The following MDGA2 variants were observed in gnomAD, a reference collection of about 807,000 sequenced individuals.
MDGA2 encodes MAM domain containing glycosylphosphatidylinositol anchor 2, also known as MAM domain-containing glycosylphosphatidylinositol anchor protein 2.
In MDGA2, 40 loss-of-function variants were observed where a neutral mutation model predicts 117.8. The observed-to-expected ratio is 0.34, with a 90% confidence interval of 0.26 to 0.44. The LOEUF is 0.44. MDGA2 is among the 20% of genes least tolerant of loss of function. The pLI is 1.00. For synonymous variants in MDGA2, 452 were observed against 439.0 expected (o/e 1.03, Z -0.37); for missense variants, 1,123 against 1,250.6 (o/e 0.90, Z 1.54).
intron 3 of MDGA2, among the ~76,000 whole-genome samples, chr14:47,202,520 ATAACC>A (rs1566678703): frequency 6.6e-6 from 1 of 152,170 alleles, no homozygotes; most frequent in Non-Finnish European, 1.5e-5. Flanking sequence ...TTTGTCTCCT[ATAACC>A]TAGCATGCCA....
intron 1 of MDGA2, among the ~76,000 whole-genome samples, chr14:47,632,625 T>C (rs1235267510): frequency 2.6e-5 from 4 of 152,240 alleles, no homozygotes; most frequent in Admixed American, 6.5e-5. Flanking sequence ...TATTTTCCTT[T>C]ATGGTCTTAT....
intron 1 of MDGA2, among the ~76,000 whole-genome samples, chr14:47,410,097 C>A (rs999289665): frequency 7.2e-5 from 11 of 152,270 alleles, no homozygotes; most frequent in African/African-American, 2.4e-4. Flanking sequence ...TGTCTTCAGA[C>A]AGGAAGCTTG....
At chr14:47,135,305 C>A (rs1882398699) in intron 4 of MDGA2, among the ~76,000 whole-genome samples, 1 of 151,960 alleles carries the variant, frequency 6.6e-6, no homozygotes, top group African/African-American at 2.4e-5. Flanking sequence ...CTAATATATT[C>A]CTAGTGAAAT....
chr14:47,534,746 AC>A (rs541298650), intron 1 of MDGA2, among the ~76,000 whole-genome samples: 6 of 152,344 alleles, frequency 3.9e-5, no homozygotes, highest in Non-Finnish European at 7.3e-5. Context: ...GGCACTCTGA[AC>A]CAAGTCTGGT....
chr14:47,518,402 T>A (rs1894799078), intron 1 of MDGA2, among the ~76,000 whole-genome samples: 1 of 152,332 alleles, frequency 6.6e-6, no homozygotes, highest in Middle Eastern at 3.4e-3. Flanking sequence ...TATGCATATG[T>A]GTGTTGATAA....
At chr14:47,331,068 C>A (rs921621424) in intron 1 of MDGA2, among the ~76,000 whole-genome samples, 1 of 151,780 alleles carries the variant, frequency 6.6e-6, no homozygotes, top group African/African-American at 2.4e-5. Flanking sequence ...ACTAAACCAG[C>A]AACTTTTTTA....
At chr14:47,664,705 C>T (rs916981243) in intron 1 of MDGA2, among the ~76,000 whole-genome samples, 1 of 152,186 alleles carries the variant, frequency 6.6e-6, no homozygotes, top group Admixed American at 6.5e-5. Flanking sequence ...AAGGGCAATG[C>T]CTTCATCCCA....
At chr14:47,072,704 C>T (rs1211415142) in intron 6 of MDGA2, among the ~76,000 whole-genome samples, 2 of 152,106 alleles carry the variant, frequency 1.3e-5, no homozygotes, top group Non-Finnish European at 2.9e-5. Context: ...TTTAACAACC[C>T]CTCTGAGTGA....
At chr14:47,469,157 TTTTC>T (rs1893665033) in intron 1 of MDGA2, among the ~76,000 whole-genome samples, 1 of 152,136 alleles carries the variant, frequency 6.6e-6, no homozygotes, top group Non-Finnish European at 1.5e-5. Context: ...TTTTCTTTTT[TTTTC>T]TTTTTTTATT....
chr14:46,848,553 ATCC>A (rs575284789), intron 15 of MDGA2, among the ~76,000 whole-genome samples: 82 of 152,036 alleles, frequency 5.4e-4, no homozygotes, highest in African/African-American at 1.9e-3. Flanking sequence ...GGATTAAACA[ATCC>A]TCCTTTTTAT....
intron 1 of MDGA2, among the ~76,000 whole-genome samples, chr14:47,346,011 T>C (rs751237937): frequency 2.6e-5 from 4 of 152,082 alleles, no homozygotes; most frequent in Admixed American, 6.6e-5. Flanking sequence ...GAATGCATTC[T>C]AGTGATCTGT....
At chr14:47,007,944 G>A (rs1377284570) in intron 8 of MDGA2, among the ~76,000 whole-genome samples, 1 of 151,794 alleles carries the variant, frequency 6.6e-6, no homozygotes, top group African/African-American at 2.4e-5. Context: ...TGAGCACAGA[G>A]TGTATCGTAA....
intron 2 of MDGA2, among the ~76,000 whole-genome samples, chr14:47,225,324 G>T (rs1171932015): frequency 1.3e-5 from 2 of 151,880 alleles, no homozygotes; most frequent in East Asian, 3.9e-4. Context: ...TATACCCAAA[G>T]GACTATAAAT....
At chr14:47,639,026 C>T (rs1897373301) in intron 1 of MDGA2, among the ~76,000 whole-genome samples, 1 of 152,154 alleles carries the variant, frequency 6.6e-6, no homozygotes, top group African/African-American at 2.4e-5. Context: ...ACCCTAACTT[C>T]ATCACATAAT....
intron 3 of MDGA2, among the ~76,000 whole-genome samples, chr14:47,172,047 G>T (rs940555136): frequency 2.4e-4 from 36 of 152,144 alleles, no homozygotes; most frequent in African/African-American, 8.2e-4. Flanking sequence ...CTGATTGCTA[G>T]CACAGTGGTC....
intron 3 of MDGA2, among the ~76,000 whole-genome samples, chr14:47,216,274 T>C (rs1166475529): frequency 6.6e-6 from 1 of 152,164 alleles, no homozygotes; most frequent in Non-Finnish European, 1.5e-5. Context: ...ATCAGACCTA[T>C]TGTTGCAGAA....
At chr14:47,537,704 C>T (rs1428533508) in intron 1 of MDGA2, among the ~76,000 whole-genome samples, 4 of 148,662 alleles carry the variant, frequency 2.7e-5, no homozygotes, top group African/African-American at 9.9e-5. Flanking sequence ...TTGACTAAAC[C>T]AACCTTTGTT....
intron 1 of MDGA2, among the ~76,000 whole-genome samples, chr14:47,311,707 G>T (rs930912213): frequency 2.0e-5 from 3 of 152,044 alleles, no homozygotes; most frequent in Non-Finnish European, 1.5e-5. Context: ...ATGATCTATA[G>T]TCCTCTCTAA....
At chr14:47,164,579 G>A (rs748323417) in intron 3 of MDGA2, among the ~76,000 whole-genome samples, 36 of 152,196 alleles carry the variant, frequency 2.4e-4, no homozygotes, top group South Asian at 8.3e-4. Context: ...TTAGAATGGC[G>A]ATCATTAAAA....
Sources: gnomAD v4.1 joint callset for allele counts (sites outside exome capture counted in the v4.1 genomes callset) on GRCh38, gnomAD v4.1.1 for gene constraint, MANE v1.5 for transcripts, NCBI Gene and HGNC (gene_info 2026-07-23, HGNC 2026-07-21) for gene names.